Variants in RUFY4 observed in about 807,000 individuals in gnomAD.
RUFY4 encodes the protein RUN and FYVE domain-containing protein 4.
Under a neutral mutation model 69.0 loss-of-function variants are expected in RUFY4, and 73 were observed. The ratio of observed to expected loss-of-function variants is 1.06; its 90% CI spans 0.88 to 1.29. RUFY4 has a LOEUF of 1.29. RUFY4 is among the 50% of genes most tolerant of loss of function. The pLI is 0.00. For synonymous variants in RUFY4, 287 were observed against 271.8 expected (o/e 1.06, Z -0.55); for missense variants, 770 against 705.6 (o/e 1.09, Z -1.03).
chr2:218,074,561 A>C (rs1441626621), intron 6 of RUFY4, among the ~76,000 whole-genome samples: 1 of 152,114 alleles, frequency 6.6e-6, no homozygotes, highest in Non-Finnish European at 1.5e-5. Flanking sequence ...ATGGAGATAT[A>C]CCATAAAAAA....
chr2:218,042,961 G>C (rs1311895395), intron 2 of RUFY4, among the ~76,000 whole-genome samples: 1 of 152,194 alleles, frequency 6.6e-6, no homozygotes, highest in Non-Finnish European at 1.5e-5. Flanking sequence ...TGATTGGAGT[G>C]TTGCTTTTCT....
intron 9 of RUFY4, among the ~76,000 whole-genome samples, chr2:218,085,179 G>C (rs80325161): frequency 0.027 from 4,178 of 152,242 alleles, 202 homozygotes; most frequent in African/African-American, 0.094. Context: ...GGATCAAAAA[G>C]GGAAAGACAG....
chr2:218,036,486 AG>A (rs1958980878), intron 2 of RUFY4, among the ~76,000 whole-genome samples: 1 of 152,222 alleles, frequency 6.6e-6, no homozygotes. Context: ...ACTCTATAAA[AG>A]GGACCACAGT....
intron 2 of RUFY4, among the ~76,000 whole-genome samples, chr2:218,052,385 TG>T (rs1463550559): frequency 6.6e-6 from 1 of 152,216 alleles, no homozygotes; most frequent in Admixed American, 6.5e-5. Flanking sequence ...TGCATTCCGT[TG>T]CCCAAGGTAT....
intron 2 of RUFY4, 133 bp from the exon 5 acceptor site, chr2:218,072,241 G>A (rs1023225772): frequency 9.2e-7 from 1 of 1,089,296 alleles, no homozygotes; most frequent in Admixed American, 2.4e-5. Flanking sequence ...AGTAAGGACA[G>A]GGCTGGGTCT....
intron 9 of RUFY4, among the ~76,000 whole-genome samples, chr2:218,086,337 T>G (rs147245833): frequency 6.6e-6 from 1 of 152,188 alleles, no homozygotes; most frequent in Admixed American, 6.5e-5. Flanking sequence ...ATCTTCAGAT[T>G]TGAAGATTTC....
intron 3 of RUFY4, chr2:218,059,514 C>T (rs189575644): frequency 1.1e-4 from 19 of 167,036 alleles, no homozygotes; most frequent in African/African-American, 4.1e-4. Flanking sequence ...TAAGTGGAAT[C>T]ATAAACTATT....
intron 8 of RUFY4, among the ~76,000 whole-genome samples, chr2:218,081,781 G>A (rs1040699959): frequency 6.6e-6 from 1 of 152,242 alleles, no homozygotes; most frequent in Non-Finnish European, 1.5e-5. Context: ...GAACGCTCTT[G>A]GGGTTGCAGT....
chr2:218,062,738 TAAAA>T (rs907143199), intron 3 of RUFY4, among the ~76,000 whole-genome samples: 1 of 151,974 alleles, frequency 6.6e-6, no homozygotes, highest in African/African-American at 2.4e-5. Context: ...TAACATAAAA[TAAAA>T]ATAAATAAAT....
rs114240250 is a variant in RUFY4 at position 218,047,701 on chromosome 2, C to T, written c.-1157-10894C>T. On this transcript the variant is annotated intron_variant and NMD_transcript_variant, in intron 2 of 13. Coordinates refer to the RUFY4 transcript ENST00000457754. ...TGTACGTGGTTTCATTGGCCTAAAT[C>T]CTATTTCCCCATAGCACAGGATATG... 7.5e-3 allele frequency among the ~76,000 whole-genome samples: 1,148 copies of T among 152,168 alleles called. 8 individuals are homozygous for T. Among genetic ancestry groups the T allele is most frequent in the Non-Finnish European group, 0.012 (830 of 67,984 alleles).
At chr2:218,073,434 A>T (rs1300165830) in intron 5 of RUFY4, 48 bp downstream of exon 7, 2 of 1,561,070 alleles carry the variant, frequency 1.3e-6, no homozygotes, top group South Asian at 2.4e-5. Flanking sequence ...ACCTGGTCCC[A>T]TGGCCACCAA....
chr2:218,065,723 C>T (rs1299684112), upstream of RUFY4: 1 of 152,432 alleles, frequency 6.6e-6, no homozygotes, highest in African/African-American at 2.4e-5. Context: ...GAGCAGAGGG[C>T]TCTACTAGTG....
intron 8 of RUFY4, among the ~76,000 whole-genome samples, chr2:218,079,490 G>T (rs1455262406): frequency 2.6e-5 from 4 of 152,160 alleles, no homozygotes; most frequent in Non-Finnish European, 5.9e-5. Flanking sequence ...TTCAGAGCTT[G>T]GTTTTGAACA....
intron 2 of RUFY4, among the ~76,000 whole-genome samples, chr2:218,041,648 T>C (rs1574491238): frequency 6.6e-6 from 1 of 152,236 alleles, no homozygotes; most frequent in Non-Finnish European, 1.5e-5. Flanking sequence ...TCTATCCTGT[T>C]GGGAAGTCCC....
intron 3 of RUFY4, among the ~76,000 whole-genome samples, chr2:218,062,349 T>A (rs1689216752): frequency 1.4e-5 from 2 of 145,238 alleles, no homozygotes; most frequent in African/African-American, 5.2e-5. Flanking sequence ...GAGCTTGTAG[T>A]GAGCCGAGAT....
At chr2:218,078,593 T>C (rs1385715184) in intron 8 of RUFY4, among the ~76,000 whole-genome samples, 1 of 152,008 alleles carries the variant, frequency 6.6e-6, no homozygotes, top group Non-Finnish European at 1.5e-5. Flanking sequence ...GAGCTCAGAG[T>C]AGGAGAGAGA....
At chr2:218,060,028 T>C (rs1411471753) in intron 3 of RUFY4, 2 of 219,580 alleles carry the variant, frequency 9.1e-6, no homozygotes, top group African/African-American at 4.6e-5. Context: ...ACCATCCTAA[T>C]GAGTATGCAG....
chr2:218,070,401 C>G, upstream of RUFY4: 1 of 625,118 alleles, frequency 1.6e-6, no homozygotes, highest in Non-Finnish European at 2.9e-6. Context: ...GGAGGCCACA[C>G]CATCATCTTC....
At chr2:218,083,000 G>T in intron 8 of RUFY4, 110 bp from the exon 11 acceptor site, 1 of 1,177,528 alleles carries the variant, frequency 8.5e-7, no homozygotes, top group Non-Finnish European at 1.1e-6. Context: ...AGCTGCCGGG[G>T]GCATCACCAG....
Sources: allele counts gnomAD v4.1 joint callset (sites outside exome capture counted in the v4.1 genomes callset), GRCh38; gene constraint gnomAD v4.1.1; transcripts MANE v1.5; gene names NCBI Gene and HGNC (gene_info 2026-07-23, HGNC 2026-07-21).